DPYD: variants seen among roughly 807,000 people sequenced by gnomAD.
DPYD encodes the protein dihydropyrimidine dehydrogenase, also known as dihydropyrimidine dehydrogenase [NADP(+)].
Under a neutral mutation model 116.2 loss-of-function variants are expected in DPYD, and 109 were observed. That is an observed-to-expected ratio of 0.94 (90% CI 0.80 to 1.10). The LOEUF is 1.10. DPYD is among the 50% of genes least tolerant of loss of function. The probability of loss-of-function intolerance (pLI) is 0.00; values close to 1 mark genes in which losing one functional copy is unlikely to be tolerated. For missense variants in DPYD, 1,302 were observed against 1,254.5 expected, an observed-to-expected ratio of 1.04 and a Z score of -0.57; for synonymous variants, 440 against 432.0, an observed-to-expected ratio of 1.02 and a Z score of -0.23.
intron 1 of DPYD, among the ~76,000 whole-genome samples, chr1:97,889,093 G>A (rs1341755489): frequency 2.6e-5 from 4 of 151,994 alleles, no homozygotes; most frequent in Non-Finnish European, 4.4e-5. Context: ...AGAGGTGGAG[G>A]TTACAATGAG....
At chr1:97,304,409 G>A (rs769240068) in intron 18 of DPYD, among the ~76,000 whole-genome samples, 2 of 151,962 alleles carry the variant, frequency 1.3e-5, no homozygotes, top group Admixed American at 6.6e-5. Flanking sequence ...GAATATAACC[G>A]TTTTTGTTCT....
At chr1:97,881,270 G>C (rs72979785) in intron 2 of DPYD, among the ~76,000 whole-genome samples, 1 of 151,812 alleles carries the variant, frequency 6.6e-6, no homozygotes, top group African/African-American at 2.4e-5. Flanking sequence ...TTGGACACAC[G>C]CACACCCAAA....
intron 20 of DPYD, among the ~76,000 whole-genome samples, chr1:97,174,227 T>C (rs960510424): frequency 6.6e-6 from 1 of 152,164 alleles, no homozygotes; most frequent in Non-Finnish European, 1.5e-5. Flanking sequence ...AGCTTTGGCC[T>C]CAGGCAAGGC....
intron 18 of DPYD, among the ~76,000 whole-genome samples, chr1:97,289,484 C>T (rs1389540045): frequency 6.6e-6 from 1 of 151,774 alleles, no homozygotes; most frequent in Admixed American, 6.6e-5. Flanking sequence ...AAAAGCTTAT[C>T]CACCATGATC....
chr1:97,497,860 T>A (rs1679357071), intron 13 of DPYD, among the ~76,000 whole-genome samples: 1 of 151,656 alleles, frequency 6.6e-6, no homozygotes, highest in Non-Finnish European at 1.5e-5. Context: ...TATATATGTA[T>A]CTCCCCTCAA....
intron 12 of DPYD, among the ~76,000 whole-genome samples, chr1:97,548,359 G>A (rs979250107): frequency 3.9e-5 from 6 of 152,268 alleles, no homozygotes; most frequent in East Asian, 1.9e-4. Context: ...GACCACAGTC[G>A]TTGTGGCAAA....
At chr1:97,579,423 G>A (rs967330866) in intron 10 of DPYD, among the ~76,000 whole-genome samples, 9 of 152,200 alleles carry the variant, frequency 5.9e-5, no homozygotes, top group Non-Finnish European at 2.9e-5. Context: ...CAGAAGACAT[G>A]CTACCTGCCC....
intron 16 of DPYD, among the ~76,000 whole-genome samples, chr1:97,368,582 C>G (rs1671160583): frequency 6.6e-6 from 1 of 152,086 alleles, no homozygotes; most frequent in Non-Finnish European, 1.5e-5. Flanking sequence ...ATTTATAGCT[C>G]CTGGGCAACT....
At chr1:97,748,599 A>G (rs1664692809) in intron 3 of DPYD, among the ~76,000 whole-genome samples, 1 of 151,928 alleles carries the variant, frequency 6.6e-6, no homozygotes, top group African/African-American at 2.4e-5. Flanking sequence ...ACAGAGCAAT[A>G]CTCCATCTCA....
At chr1:97,882,126 G>C (rs1571523555) in intron 2 of DPYD, among the ~76,000 whole-genome samples, 1 of 151,776 alleles carries the variant, frequency 6.6e-6, no homozygotes, top group Non-Finnish European at 1.5e-5. Context: ...CCTATTCCTT[G>C]AACAATCTGA....
At position 97,252,893 on chromosome 1, in the gene DPYD, T is replaced by A. The variant is rs1663201020; in HGVS notation, c.2300-17899A>T. On this transcript the variant is annotated intron_variant, in intron 18 of 22. Coordinates refer to ENST00000370192, the MANE Select transcript of DPYD (RefSeq NM_000110.4). ...AAGATCTGCTTTCACTCTAGAAGATTATTTATTCATAAACTTCGAAATACA... is the reference window on the plus strand; with the variant it reads ...AAGATCTGCTTTCACTCTAGAAGATAATTTATTCATAAACTTCGAAATACA... 3.9e-5 allele frequency among the ~76,000 whole-genome samples: 6 copies of A among 152,200 alleles called. No homozygotes were observed. In the South Asian group the frequency reaches 1.2e-3, roughly 32 times the overall value.
intron 13 of DPYD, among the ~76,000 whole-genome samples, chr1:97,471,416 C>T (rs1046322218): frequency 6.6e-6 from 1 of 152,084 alleles, no homozygotes; most frequent in Non-Finnish European, 1.5e-5. Flanking sequence ...CTTACTTTAA[C>T]AAATTAACAT....
intron 18 of DPYD, among the ~76,000 whole-genome samples, chr1:97,258,401 T>C (rs1434996163): frequency 2.0e-5 from 3 of 152,168 alleles, no homozygotes; most frequent in Non-Finnish European, 2.9e-5. Flanking sequence ...GGACAGCCCT[T>C]AGGCTGCTCC....
chr1:97,346,617 G>T (rs1558045089), intron 16 of DPYD, among the ~76,000 whole-genome samples: 1 of 151,782 alleles, frequency 6.6e-6, no homozygotes, highest in Non-Finnish European at 1.5e-5. Context: ...TTACCGTACT[G>T]CCTATCACAT....
At chr1:97,817,508 CA>C (rs1168351378) in intron 3 of DPYD, among the ~76,000 whole-genome samples, 2 of 151,450 alleles carry the variant, frequency 1.3e-5, no homozygotes, top group Non-Finnish European at 2.9e-5. Context: ...AGATGACTTA[CA>C]AAAAAACATA....
chr1:97,403,228 T>C (rs68153473), intron 14 of DPYD, among the ~76,000 whole-genome samples: 3,608 of 152,150 alleles, frequency 0.024, 134 homozygotes, highest in African/African-American at 0.082. Flanking sequence ...GTGCTTCAAC[T>C]TCTGAGATTT....
At chr1:97,216,813 GTGTT>G (rs956766853) in intron 19 of DPYD, among the ~76,000 whole-genome samples, 6 of 151,606 alleles carry the variant, frequency 4.0e-5, no homozygotes, top group African/African-American at 1.5e-4. Context: ...CAACAAAAAA[GTGTT>G]TGAGAAGAGG....
At chr1:97,713,048 C>T (rs917272129) in intron 5 of DPYD, among the ~76,000 whole-genome samples, 2 of 151,954 alleles carry the variant, frequency 1.3e-5, no homozygotes, top group African/African-American at 4.8e-5. Context: ...TTTCAGTTCA[C>T]CTCTTAATTT....
intron 18 of DPYD, among the ~76,000 whole-genome samples, chr1:97,281,346 T>C (rs1219488129): frequency 2.0e-5 from 3 of 151,530 alleles, no homozygotes; most frequent in Non-Finnish European, 4.4e-5. Flanking sequence ...GAAAACCAGA[T>C]CACAAGAGAT....
Sources: allele counts gnomAD v4.1 joint callset (sites outside exome capture counted in the v4.1 genomes callset), GRCh38; gene constraint gnomAD v4.1.1; transcripts MANE v1.5; gene names NCBI Gene and HGNC (gene_info 2026-07-23, HGNC 2026-07-21).